Variants in TPO observed in about 807,000 individuals in gnomAD.
The protein encoded by TPO is thyroid microsomal antigen.
A neutral mutation model predicts 96.9 loss-of-function variants in TPO; 78 were observed. The observed-to-expected ratio is 0.81, with a 90% CI of 0.67 to 0.97. TPO has a LOEUF of 0.97. Among genes scored for constraint, TPO ranks in the 50% least tolerant of loss-of-function variants. TPO has a pLI of 0.00. For missense variants in TPO, 1,252 were observed against 1,274.8 expected (o/e 0.98, Z 0.27); for synonymous variants, 547 against 538.0 (o/e 1.02, Z -0.23).
rs190908858 is a variant in TPO, at chr2:1,379,590, A to G, written n.180+5188A>G. ...TGTCTCCTTACGCAGATGTGCTTCA[A>G]TAATCTCGGGCCTTCTTGTAAACCA... On this transcript the variant is annotated intron_variant and non_coding_transcript_variant, in intron 1 of 5. Transcript: ENST00000497517. Among the ~76,000 whole-genome samples, 230 of 152,230 alleles carry G rather than the reference A, an allele frequency of 1.5e-3. 1 individual carries two copies. Among genetic ancestry groups the G allele is most frequent in the African/African-American group, 5.3e-3 (219 of 41,542 alleles).
At chr2:1,519,486 C>G (rs6759960) in intron 15 of TPO, among the ~76,000 whole-genome samples, 2 of 151,940 alleles carry the variant, frequency 1.3e-5, no homozygotes, top group Admixed American at 1.3e-4. Flanking sequence ...AGACACTATA[C>G]TGATCTGTTT....
upstream of TPO, among the ~76,000 whole-genome samples, chr2:1,412,431 T>A (rs567069935): frequency 5.9e-5 from 9 of 152,318 alleles, no homozygotes; most frequent in African/African-American, 2.2e-4. Flanking sequence ...GGGGATTATA[T>A]CACTGTTGGC....
intron 14 of TPO, among the ~76,000 whole-genome samples, chr2:1,510,573 AT>A (rs1673999141): frequency 6.6e-6 from 1 of 152,176 alleles, no homozygotes; most frequent in Non-Finnish European, 1.5e-5. Flanking sequence ...CCAGAGATGA[AT>A]TCGTGCCTAA....
At chr2:1,381,967 G>C (rs921603702) in intron 1 of TPO, among the ~76,000 whole-genome samples, 2 of 152,196 alleles carry the variant, frequency 1.3e-5, no homozygotes, top group African/African-American at 4.8e-5. Flanking sequence ...AAACGCAGCT[G>C]TAAATTGTGG....
rs1000253627 is a variant in TPO, at chr2:1,374,920, G to A, written n.180+518G>A. Among the ~76,000 whole-genome samples, 17 of 151,576 alleles carry A rather than the reference G, an allele frequency of 1.1e-4. No individual in the cohort carries two copies. In the East Asian group the frequency reaches 1.8e-3, roughly 16 times the overall value. On this transcript the variant is annotated intron_variant and non_coding_transcript_variant, in intron 1 of 5. Coordinates refer to the TPO transcript ENST00000497517. ...TTTTTTTTGTATTTTTAGTAGAGAC[G>A]GGGTTTCACTGTGTTAGCCAGGATG...
In TPO at chr2:1,490,010, CCGCCACGAGGG is replaced by C. The variant is rs1209045506; in HGVS notation, c.1768+2020_1768+2030del. 7.2e-3 allele frequency among the ~76,000 whole-genome samples: 730 copies of C among 101,514 alleles called. 51 individuals are homozygous for C. Among genetic ancestry groups the C allele is most frequent in the Middle Eastern group, 0.022 (4 of 182 alleles). The allele number at this position is 101,514 out of a possible 152,430, so 66.6% of individuals were successfully genotyped here. A position where few individuals can be genotyped will look rare whatever the true frequency, so the allele number is the denominator to read the frequency against. ...GAGTCACGACACAGCAGTGTAAGAGCCGCCACGAGGGTCCCACACAGGGGGAGTCGCGACAC... is the reference window on the plus strand; with the variant it reads ...GAGTCACGACACAGCAGTGTAAGAGCTCCCACACAGGGGGAGTCGCGACAC... On this transcript the variant is annotated intron_variant, in intron 10 of 16. Transcript: ENST00000329066.
intron 13 of TPO, among the ~76,000 whole-genome samples, chr2:1,498,832 G>A (rs993222092): frequency 4.6e-5 from 7 of 150,738 alleles, no homozygotes; most frequent in Admixed American, 2.0e-4. Flanking sequence ...GTCACGAATC[G>A]CAAGGTTTTC....
intron 15 of TPO, among the ~76,000 whole-genome samples, chr2:1,521,704 G>A (rs949112412): frequency 3.9e-5 from 6 of 152,060 alleles, no homozygotes; most frequent in Admixed American, 1.3e-4. Context: ...TGGGGGATCC[G>A]AACCTGTTGT....
intron 11 of TPO, among the ~76,000 whole-genome samples, chr2:1,494,712 A>G (rs1054897606): frequency 1.3e-5 from 2 of 152,190 alleles, no homozygotes; most frequent in Non-Finnish European, 2.9e-5. Context: ...AGACAAAAGC[A>G]ATAGGAAAAT....
rs149525049 is a variant in TPO, at chr2:1,521,617, C to T, written c.2618+4635C>T. ...TTGATGACAGGAATTGTCTTCAGGACGTCATTAGGGAAGTCCGAGAGAACT... is the reference window on the plus strand; with the variant it reads ...TTGATGACAGGAATTGTCTTCAGGATGTCATTAGGGAAGTCCGAGAGAACT... On this transcript the variant is annotated intron_variant, in intron 15 of 16. Coordinates refer to ENST00000329066, the MANE Select transcript of TPO (RefSeq NM_001206744.2). Among the ~76,000 whole-genome samples, 323 of 152,204 alleles carry T rather than the reference C, an allele frequency of 2.1e-3. 2 individuals carry two copies. The highest frequency in any genetic ancestry group is 6.0e-3 in the African/African-American group (251 of 41,510).
At position 1,484,559 on chromosome 2, in the gene TPO, C is replaced by A. The variant is rs373327555; in HGVS notation, c.1339-37C>A. ...GCTCGAGGCGACCCTCCTCTGGTATCCTGGGCCTCACTGAGATGCTTTTCC... is the reference window on the plus strand; with the variant it reads ...GCTCGAGGCGACCCTCCTCTGGTATACTGGGCCTCACTGAGATGCTTTTCC... On this transcript the variant is annotated intron_variant, in intron 8 of 16. Transcript: ENST00000329066. 236 of 1,613,796 alleles carry A rather than the reference C, an allele frequency of 1.5e-4. No homozygotes were observed. In the African/African-American group the frequency reaches 2.1e-3, roughly 14 times the overall value.
rs148683218 is a variant in TPO at position 1,456,113 on chromosome 2, A to G, written c.650A>G (p.Asn217Ser). 1.6e-4 allele frequency: 265 copies of G among 1,613,896 alleles called. No individual in the cohort carries two copies. Among genetic ancestry groups the G allele is most frequent in the Non-Finnish European group, 2.1e-4 (253 of 1,180,042 alleles). ...ACAAGACATGTCATTCAAGTTTCAA[A>G]TGAGGTTGTCACAGATGATGACCGC... ...EVTRHVIQVS[N>S]EVVTDDDRYS... Residue 217 changes from asparagine to serine, a missense_variant, in exon 7 of 17, where the codon AAT becomes AGT. Physicochemically the swap from Asn to Ser is conservative, Grantham distance 46 (BLOSUM62 1). Transcript: ENST00000329066.
At chr2:1,397,446 C>T (rs1662099106) in intron 1 of TPO, among the ~76,000 whole-genome samples, 1 of 152,188 alleles carries the variant, frequency 6.6e-6, no homozygotes, top group South Asian at 2.1e-4. Context: ...CCATTCCCTC[C>T]CCAGGCAAGC....
chr2:1,401,909 G>T (rs542838668), intron 1 of TPO, among the ~76,000 whole-genome samples: 6 of 152,270 alleles, frequency 3.9e-5, no homozygotes, highest in African/African-American at 1.4e-4. Context: ...GAGTCAAAGG[G>T]CACTGAGTGC....
At chr2:1,519,978 C>T (rs28913036) in intron 15 of TPO, among the ~76,000 whole-genome samples, 2,686 of 152,190 alleles carry the variant, frequency 0.018, 75 homozygotes, top group East Asian at 0.13. Context: ...TCTAAAAATA[C>T]GCTACCAAGC....
intron 10 of TPO, among the ~76,000 whole-genome samples, chr2:1,490,600 C>T (rs553461182): frequency 1.2e-4 from 18 of 152,312 alleles, no homozygotes; most frequent in South Asian, 4.1e-4. Context: ...GGCCGGACTG[C>T]GATCACTTTC....
intron 1 of TPO, among the ~76,000 whole-genome samples, chr2:1,377,105 A>C (rs1661733989): frequency 1.3e-5 from 2 of 152,220 alleles, no homozygotes; most frequent in Admixed American, 1.3e-4. Flanking sequence ...TTTTGTGATA[A>C]AAATGTTTTC....
chr2:1,439,266 G>T (rs768432951), intron 5 of TPO: 59 of 169,894 alleles, frequency 3.5e-4, no homozygotes, highest in Non-Finnish European at 6.3e-4. Flanking sequence ...GGGACACTTA[G>T]ATCTGAGCTG....
chr2:1,461,859 A>AGG (rs201562305), intron 7 of TPO, among the ~76,000 whole-genome samples: 9 of 152,074 alleles, frequency 5.9e-5, no homozygotes, highest in African/African-American at 2.2e-4. Flanking sequence ...GGACGAGGGC[A>AGG]GGGGGGGCCG....
Sources: allele counts gnomAD v4.1 joint callset (sites outside exome capture counted in the v4.1 genomes callset), GRCh38; gene constraint gnomAD v4.1.1; transcripts MANE v1.5; gene names NCBI Gene and HGNC (gene_info 2026-07-23, HGNC 2026-07-21).